Variants in CRELD2 observed in about 807,000 individuals in gnomAD.
CRELD2 encodes the protein protein disulfide isomerase CRELD2.
Under a neutral mutation model 48.1 loss-of-function variants are expected in CRELD2, and 33 were observed. That is an observed-to-expected ratio of 0.69 (90% confidence interval 0.52 to 0.92). The LOEUF is 0.92. Ranked by LOEUF, CRELD2 falls within the 40% of genes least tolerant of loss-of-function variation. CRELD2 has a pLI of 0.00. For missense variants in CRELD2, 477 were observed against 482.4 expected (o/e 0.99, Z 0.10); for synonymous variants, 220 against 203.9 (o/e 1.08, Z -0.67).
At chr22:49,925,735 T>C in intron 9 of CRELD2, 178 bp downstream of exon 9, 3 of 1,419,692 alleles carry the variant, frequency 2.1e-6, no homozygotes, top group South Asian at 3.0e-5. Flanking sequence ...CGAGAGGTAC[T>C]GGCTTCCTGA....
Position 49,927,397 on chromosome 22 carries a change from G to C in CRELD2, c.*90G>C. ...GCCGTCTCCTGCAGTGGACAGCGGC[G>C]GGGAGAGGCTGCCTGCTCTCTAACG... On this transcript the variant is annotated 3_prime_UTR_variant, in exon 10 of 10. Coordinates refer to ENST00000328268, the MANE Select transcript of CRELD2 (RefSeq NM_024324.5). 9.8e-7 allele frequency: 1 copy of C among 1,015,768 alleles called. No individual in the cohort carries two copies. The allele number at this position is 1,015,768 out of a possible 1,614,324, so 62.9% of individuals were successfully genotyped here.
Position 49,924,367 on chromosome 22 carries a change from C to T in CRELD2, c.780C>T (p.Asp260=). 1 of 1,611,232 alleles carries T rather than the reference C, an allele frequency of 6.2e-7. No homozygotes were observed. The highest frequency in any genetic ancestry group is 1.1e-5 in the South Asian group (1 of 90,614). Residue 260 remains aspartate (D), a synonymous_variant, in exon 8 of 10, where the codon GAC becomes GAT. Coordinates refer to ENST00000328268, the MANE Select transcript of CRELD2 (RefSeq NM_024324.5). ...ANGSYTCEEC[D]SSCVGCTGEG... Reference sequence around the variant, plus strand: ...GCTGGCTCCCTGTTGCAGAGTGTGACTCCAGCTGTGTGGGCTGCACAGGGG... The same window carrying T: ...GCTGGCTCCCTGTTGCAGAGTGTGATTCCAGCTGTGTGGGCTGCACAGGGG...
At chr22:49,919,581 C>G (rs528954346) in intron 2 of CRELD2, 149 bp from the exon 3 acceptor site, 4 of 647,556 alleles carry the variant, frequency 6.2e-6, no homozygotes, top group African/African-American at 5.6e-5. Context: ...GGAACCGCTC[C>G]TGGCTTCCCC....
At chr22:49,925,142 A>AAAAAGG in intron 8 of CRELD2, 1 of 272,994 alleles carries the variant, frequency 3.7e-6, no homozygotes, top group Non-Finnish European at 6.9e-6. Context: ...AAAAAAAAAA[A>AAAAAGG]AAAAGGAAAA....
At chr22:49,922,890 GA>G (rs2060713759) in intron 6 of CRELD2, among the ~76,000 whole-genome samples, 183 bp downstream of exon 6, 3 of 71,442 alleles carry the variant, frequency 4.2e-5, no homozygotes, top group African/African-American at 2.1e-4. Context: ...AGGTGTGGGG[GA>G]GCATGAGGTG....
At chr22:49,923,192 G>T in intron 6 of CRELD2, 42 bp from the exon 7 acceptor site, 2 of 1,477,914 alleles carry the variant, frequency 1.4e-6, no homozygotes. Flanking sequence ...CTCCCTGGCC[G>T]GGCTGTCCTG....
At chr22:49,921,849 G>T (rs2060691472) in intron 5 of CRELD2, 88 bp downstream of exon 5, 3 of 1,374,296 alleles carry the variant, frequency 2.2e-6, no homozygotes, top group Non-Finnish European at 9.9e-7. Context: ...GGGAACAGGG[G>T]CCTGTTGATC....
intron 5 of CRELD2, chr22:49,922,198 A>C: frequency 7.6e-7 from 1 of 1,317,944 alleles, no homozygotes; most frequent in Non-Finnish European, 1.0e-6. Flanking sequence ...CTCGGACGTG[A>C]GTGTGTGGTT....
intron 7 of CRELD2, chr22:49,923,665 T>C: frequency 4.7e-6 from 2 of 425,956 alleles, no homozygotes; most frequent in Non-Finnish European, 8.7e-6. Context: ...CTCTGCGTCC[T>C]GTGGTTTCTC....
chr22:49,922,167 A>G, intron 5 of CRELD2: 1 of 1,039,944 alleles, frequency 9.6e-7, no homozygotes, highest in Non-Finnish European at 1.4e-6. Context: ...TGTCACTGAT[A>G]TGTAGGAAAA....
At chr22:49,918,959 C>A in intron 1 of CRELD2, 61 bp downstream of exon 1, 1 of 1,298,370 alleles carries the variant, frequency 7.7e-7, no homozygotes, top group South Asian at 1.7e-5. Context: ...ACCCTGCATC[C>A]GGGGTCGCCC....
At position 49,925,526 on chromosome 22, in the gene CRELD2, G is replaced by T; in HGVS notation, c.978G>T (p.Thr326=). 1 of 1,613,924 alleles carries T rather than the reference G, an allele frequency of 6.2e-7. No homozygotes were observed. Among genetic ancestry groups the T allele is most frequent in the Non-Finnish European group, 8.5e-7 (1 of 1,180,022 alleles). ...VCVCPDGFEE[T]EDACVPPAEA... The stretch of plus-strand genomic sequence containing the variant: ...TGTGTCCTGACGGCTTCGAAGAAAC[G>T]GAAGATGCCTGTGTGCCGCCGGCAG... Residue 326 remains threonine (T), a synonymous_variant, in exon 9 of 10, where the codon ACG becomes ACT. Coordinates refer to ENST00000328268, the MANE Select transcript of CRELD2 (RefSeq NM_024324.5).
In CRELD2 at chr22:49,919,780, T is replaced by G; in HGVS notation, c.263T>G (p.Phe88Cys). 6.2e-7 allele frequency: 1 copy of G among 1,612,868 alleles called. No individual in the cohort carries two copies. The highest frequency in any genetic ancestry group is 8.5e-7 in the Non-Finnish European group (1 of 1,179,614). Residue 88 changes from phenylalanine to cysteine, a missense_variant, in exon 3 of 10, where the codon TTC becomes TGC. Phe to Cys is a radical substitution (Grantham distance 205, BLOSUM62 -2). Transcript: ENST00000328268. Reference sequence around the variant, plus strand: ...GAGGGGCTGTGCGAGAGCAGCGACTTCGAATGCAATCAGATGCTAGAGGCG... The same window carrying G: ...GAGGGGCTGTGCGAGAGCAGCGACTGCGAATGCAATCAGATGCTAGAGGCG... ...ILEGLCESSD[F>C]ECNQMLEAQE...
Position 49,925,493 on chromosome 22 carries a change from C to T in CRELD2, c.945C>T (p.Tyr315=), listed in dbSNP as rs140492729. Residue 315 remains tyrosine, a synonymous_variant, in exon 9 of 10, where the codon TAC becomes TAT. Coordinates refer to ENST00000328268, the MANE Select transcript of CRELD2 (RefSeq NM_024324.5). ...ACTGCTACAATACTCCAGGGAGCTA[C>T]GTCTGTGTGTGTCCTGACGGCTTCG... is the stretch of plus-strand genomic sequence containing the variant. ...NENCYNTPGS[Y]VCVCPDGFEE... is the part of the protein sequence containing the mutation. 1.1e-4 allele frequency: 173 copies of T among 1,614,040 alleles called. 2 individuals carry two copies. In the African/African-American group the frequency reaches 1.7e-3, roughly 15 times the overall value.
In CRELD2 at chr22:49,919,232, G is replaced by T. The variant is rs901485839; in HGVS notation, c.132G>T (p.Gly44=). The T allele has an allele frequency of 1.2e-6, 2 of 1,613,724 alleles. No individual in the cohort carries two copies. Among genetic ancestry groups the T allele is most frequent in the Non-Finnish European group, 1.7e-6 (2 of 1,179,980 alleles). ...CRGLVDKFNQ[G]MVDTAKKNFG... is the part of the protein sequence containing the mutation. ...CTATGGGCACTGTCTCCTCGCAGGGGATGGTGGACACCGCAAAGAAGAACT... is the reference window on the plus strand; with the variant it reads ...CTATGGGCACTGTCTCCTCGCAGGGTATGGTGGACACCGCAAAGAAGAACT... Residue 44 remains glycine (G), a splice_region_variant and synonymous_variant, in exon 2 of 10, where the codon GGG becomes GGT. Coordinates refer to ENST00000328268, the MANE Select transcript of CRELD2 (RefSeq NM_024324.5).
intron 5 of CRELD2, chr22:49,921,979 GCTACTCAC>G: frequency 1.6e-6 from 1 of 607,018 alleles, no homozygotes; most frequent in Non-Finnish European, 2.9e-6. Flanking sequence ...GAAGGGAGAA[GCTACTCAC>G]CTTTCTCTCT....
Position 49,927,426 on chromosome 22 carries a change from G to C in CRELD2, c.*119G>C. On this transcript the variant is annotated 3_prime_UTR_variant, in exon 10 of 10. Transcript: ENST00000328268. ...AGAGGCTGCCTGCTCTCTAACGGTT[G>C]ATTCTCATTTGTCCCTTAAACAGCT... 2 of 787,236 alleles carry C rather than the reference G, an allele frequency of 2.5e-6. No homozygotes were observed. Among genetic ancestry groups the C allele is most frequent in the Non-Finnish European group, 4.5e-6 (2 of 441,582 alleles). The allele number at this position is 787,236 out of a possible 1,614,324, so 48.8% of individuals were successfully genotyped here.
At chr22:49,926,798 C>G in intron 9 of CRELD2, among the ~76,000 whole-genome samples, 1 of 6,764 alleles carries the variant, frequency 1.5e-4, no homozygotes, top group African/African-American at 7.3e-4. Context: ...GCCCCTCCCT[C>G]CCCCCACCCC....
chr22:49,919,157 TCGACCTGGGCTCG>T, intron 1 of CRELD2, 60 bp from the exon 2 acceptor site: 1 of 960,310 alleles, frequency 1.0e-6, no homozygotes, highest in Non-Finnish European at 1.4e-6. Flanking sequence ...CCCCTCACCC[TCGACCTGGGCTCG>T]CCCCCACCCT....
Sources: allele counts gnomAD v4.1 joint callset (sites outside exome capture counted in the v4.1 genomes callset), GRCh38; gene constraint gnomAD v4.1.1; transcripts MANE v1.5; gene names NCBI Gene and HGNC (gene_info 2026-07-23, HGNC 2026-07-21).